The following NPAS3 variants were observed in gnomAD, a reference collection of about 807,000 sequenced individuals.
NPAS3 encodes neuronal PAS domain-containing protein 3.
In NPAS3, 14 loss-of-function variants were observed where a neutral mutation model predicts 73.1. The observed-to-expected ratio is 0.19, with a 90% CI of 0.13 to 0.30. The LOEUF (loss-of-function observed/expected upper bound fraction) is 0.30. Ranked by LOEUF, NPAS3 falls within the 10% of genes least tolerant of loss-of-function variation. The pLI, the probability that NPAS3 is intolerant of heterozygous loss-of-function variation, is 1.00. For synonymous variants in NPAS3, 620 were observed against 541.5 expected (o/e 1.14, Z -2.01); for missense variants, 1,096 against 1,250.0 (o/e 0.88, Z 1.86).
intron 2 of NPAS3, chr14:33,214,096 G>C (rs17100384): frequency 6.6e-6 from 1 of 151,838 alleles, no homozygotes; most frequent in Non-Finnish European, 1.5e-5. Context: ...TATTTACAGT[G>C]CTTTCAGAAT....
intron 2 of NPAS3, among the ~76,000 whole-genome samples, chr14:33,206,037 G>T (rs1211628188): frequency 6.6e-6 from 1 of 152,096 alleles, no homozygotes; most frequent in Non-Finnish European, 1.5e-5. Flanking sequence ...GTGTTTATAA[G>T]CCTGAAAATA....
At chr14:32,972,705 C>T (rs2037487484) in intron 1 of NPAS3, among the ~76,000 whole-genome samples, 1 of 152,164 alleles carries the variant, frequency 6.6e-6, no homozygotes. Flanking sequence ...AAGAGAAACA[C>T]TTTGTCACAG....
chr14:33,793,565 T>C (rs1338060272), intron 9 of NPAS3, among the ~76,000 whole-genome samples: 2 of 152,234 alleles, frequency 1.3e-5, no homozygotes, highest in Non-Finnish European at 1.5e-5. Flanking sequence ...TACCATCTGA[T>C]GTCAAATCCA....
intron 3 of NPAS3, among the ~76,000 whole-genome samples, chr14:33,284,299 C>T (rs2140077668): frequency 6.6e-6 from 1 of 151,788 alleles, no homozygotes; most frequent in South Asian, 2.1e-4. Flanking sequence ...GACATAAGAG[C>T]TATTGTTTCT....
intron 3 of NPAS3, among the ~76,000 whole-genome samples, chr14:33,329,723 G>A (rs539625906): frequency 6.6e-6 from 1 of 152,138 alleles, no homozygotes; most frequent in African/African-American, 2.4e-5. Flanking sequence ...TAAGTACGAT[G>A]GAGAAGCCCT....
At chr14:33,114,392 T>C (rs2042993306) in intron 2 of NPAS3, among the ~76,000 whole-genome samples, 1 of 152,096 alleles carries the variant, frequency 6.6e-6, no homozygotes, top group African/African-American at 2.4e-5. Flanking sequence ...CTTCCTGGGA[T>C]TCATGTGCTG....
intron 2 of NPAS3, among the ~76,000 whole-genome samples, chr14:33,093,483 C>T (rs185390977): frequency 8.5e-5 from 13 of 152,050 alleles, no homozygotes; most frequent in Non-Finnish European, 1.6e-4. Context: ...GTGCTGGAGA[C>T]GATGTGGAGA....
chr14:33,534,928 C>T (rs537083357), intron 4 of NPAS3, among the ~76,000 whole-genome samples: 1 of 152,244 alleles, frequency 6.6e-6, no homozygotes, highest in South Asian at 2.1e-4. Flanking sequence ...AGGACGTGTG[C>T]TGTGTCTGCT....
chr14:33,057,708 A>G (rs560600831), intron 2 of NPAS3, among the ~76,000 whole-genome samples: 1 of 152,234 alleles, frequency 6.6e-6, no homozygotes, highest in Non-Finnish European at 1.5e-5. Context: ...TAGACACAGT[A>G]GGCAGCACAG....
intron 5 of NPAS3, among the ~76,000 whole-genome samples, chr14:33,572,160 C>T (rs187954596): frequency 6.6e-6 from 1 of 152,160 alleles, no homozygotes; most frequent in Non-Finnish European, 1.5e-5. Flanking sequence ...ATATAAAATT[C>T]TAAACAATTC....
intron 2 of NPAS3, among the ~76,000 whole-genome samples, chr14:33,132,238 A>T (rs746063510): frequency 6.6e-6 from 1 of 152,116 alleles, no homozygotes; most frequent in Non-Finnish European, 1.5e-5. Flanking sequence ...CTTGGTGACT[A>T]GTTTAATGTG....
In NPAS3 at chr14:32,994,630, G is replaced by GTTTTTTTTTTTTTTTTTTTTTTTTTTTT. The variant is rs777136450; in HGVS notation, c.50+55269_50+55270insTTTTTTTTTTTTTTTTTTTTTTTTTTTT. ...ATTCTAGTTTTTTGTTTGTTTGTTTGTTTTTGTTTTTTTTTTTTTGAGACA... is the reference window on the plus strand; with the variant it reads ...ATTCTAGTTTTTTGTTTGTTTGTTTGTTTTTTTTTTTTTTTTTTTTTTTTTTTTTTTTTGTTTTTTTTTTTTTGAGACA... On this transcript the variant is annotated intron_variant, in intron 1 of 11. Coordinates refer to ENST00000356141, the Ensembl canonical transcript of NPAS3. Among the ~76,000 whole-genome samples the GTTTTTTTTTTTTTTTTTTTTTTTTTTTT allele has an allele frequency of 1.6e-5, 2 of 123,600 alleles. 1 individual carries two copies. Among genetic ancestry groups the GTTTTTTTTTTTTTTTTTTTTTTTTTTTT allele is most frequent in the African/African-American group, 7.2e-5 (2 of 27,880 alleles). The allele number at this position is 123,600 out of a possible 152,430, so 81.1% of individuals were successfully genotyped here.
At chr14:33,531,614 C>G (rs551657244) in intron 4 of NPAS3, among the ~76,000 whole-genome samples, 1 of 151,978 alleles carries the variant, frequency 6.6e-6, no homozygotes, top group Non-Finnish European at 1.5e-5. Context: ...ATTTTGGCAC[C>G]GATGAGCAGA....
intron 3 of NPAS3, among the ~76,000 whole-genome samples, chr14:33,355,953 A>G (rs2045319955): frequency 6.6e-6 from 1 of 152,220 alleles, no homozygotes; most frequent in African/African-American, 2.4e-5. Context: ...TGCCAGCTCC[A>G]TGCAGGCCCA....
At chr14:33,102,001 T>C (rs2042590948) in intron 2 of NPAS3, among the ~76,000 whole-genome samples, 1 of 152,136 alleles carries the variant, frequency 6.6e-6, no homozygotes, top group Admixed American at 6.6e-5. Context: ...CATCAGGCAG[T>C]AATCCTTGGT....
At chr14:33,746,870 A>G (rs2140730330) in intron 7 of NPAS3, among the ~76,000 whole-genome samples, 1 of 151,430 alleles carries the variant, frequency 6.6e-6, no homozygotes, top group Non-Finnish European at 1.5e-5. Flanking sequence ...CATTAGGTAT[A>G]TCTCCCAATG....
chr14:33,338,853 G>C (rs1188668603), intron 3 of NPAS3, among the ~76,000 whole-genome samples: 1 of 152,138 alleles, frequency 6.6e-6, no homozygotes, highest in East Asian at 1.9e-4. Context: ...TTTACAAACA[G>C]TATGGTCATT....
rs2036469063 is a variant in NPAS3, at chr14:32,951,151, C to T, written c.50+11785C>T. ...ATCTTTGTAGGAAGTTGTATTCTAC[C>T]TAGGTTCTTTAACCTTTCAGAGCCT... On this transcript the variant is annotated intron_variant, in intron 1 of 11. Transcript: ENST00000356141. Among the ~76,000 whole-genome samples the T allele has an allele frequency of 2.0e-5, 3 of 152,104 alleles. No homozygotes were observed. The South Asian group carries it at 6.2e-4, about 32-fold the overall frequency.
intron 2 of NPAS3, among the ~76,000 whole-genome samples, chr14:33,059,371 T>G (rs1188329583): frequency 6.6e-6 from 1 of 152,232 alleles, no homozygotes; most frequent in Non-Finnish European, 1.5e-5. Flanking sequence ...TATAATTAGT[T>G]CCAAATAATA....
Sources: allele counts gnomAD v4.1 joint callset (sites outside exome capture counted in the v4.1 genomes callset), GRCh38; gene constraint gnomAD v4.1.1; transcripts MANE v1.5; gene names NCBI Gene and HGNC (gene_info 2026-07-23, HGNC 2026-07-21).